The following ARB2A variants were observed in gnomAD, a reference collection of about 807,000 sequenced individuals.
The protein encoded by ARB2A is cotranscriptional regulator ARB2A.
chr5:93,619,963 T>C, the ARB2A span: 2 of 152,206 alleles, frequency 1.3e-5, no homozygotes, highest in South Asian at 4.1e-4. Flanking sequence ...AGGTTTCGTT[T>C]CCTGATGACA....
At chr5:93,658,956 G>T in the ARB2A span, among the ~76,000 whole-genome samples, 1 of 151,350 alleles carries the variant, frequency 6.6e-6, no homozygotes, top group Non-Finnish European at 1.5e-5. Context: ...GTTAGTACGT[G>T]GGGGTGGGGG....
chr5:93,775,238 A>C, the ARB2A span, among the ~76,000 whole-genome samples: 1 of 152,158 alleles, frequency 6.6e-6, no homozygotes, highest in Non-Finnish European at 1.5e-5. Context: ...ACTATTCTCC[A>C]AATTATTTTC....
At chr5:93,856,449 A>G in the ARB2A span, among the ~76,000 whole-genome samples, 1 of 152,146 alleles carries the variant, frequency 6.6e-6, no homozygotes, top group Non-Finnish European at 1.5e-5. Flanking sequence ...CTTTTCACAT[A>G]GTCCCATATT....
chr5:93,755,457 T>C, the ARB2A span, among the ~76,000 whole-genome samples: 1 of 152,202 alleles, frequency 6.6e-6, no homozygotes, highest in Non-Finnish European at 1.5e-5. Context: ...TTGTGAATTC[T>C]AGCTCTAGAT....
the ARB2A span, among the ~76,000 whole-genome samples, chr5:93,938,255 A>C: frequency 6.6e-6 from 1 of 152,230 alleles, no homozygotes; most frequent in African/African-American, 2.4e-5. Context: ...AATTCAAATA[A>C]GCAAACTGCC....
chr5:93,948,126 A>C, the ARB2A span, among the ~76,000 whole-genome samples: 45 of 152,214 alleles, frequency 3.0e-4, 1 homozygote, highest in South Asian at 3.1e-3. Context: ...TACAGTCCCA[A>C]CAACAGTGTA....
the ARB2A span, among the ~76,000 whole-genome samples, chr5:93,765,644 C>T: frequency 2.0e-5 from 3 of 152,104 alleles, no homozygotes; most frequent in African/African-American, 7.2e-5. Flanking sequence ...AGATTCAATG[C>T]CATCCCCATC....
chr5:93,783,639 G>C, the ARB2A span, among the ~76,000 whole-genome samples: 2 of 152,226 alleles, frequency 1.3e-5, no homozygotes, highest in South Asian at 4.1e-4. Context: ...CAATTACTAT[G>C]GCACGGGGTG....
chr5:93,686,357 A>G, the ARB2A span, among the ~76,000 whole-genome samples: 2 of 152,136 alleles, frequency 1.3e-5, no homozygotes, highest in Admixed American at 1.3e-4. Flanking sequence ...AGATTCCTTG[A>G]TCTACAATGC....
the ARB2A span, among the ~76,000 whole-genome samples, chr5:93,633,746 T>A: frequency 6.6e-6 from 1 of 152,162 alleles, no homozygotes; most frequent in Non-Finnish European, 1.5e-5. Flanking sequence ...ATTACTATAA[T>A]AAAGTTTTTG....
chr5:93,683,608 T>C, the ARB2A span: 4 of 1,499,116 alleles, frequency 2.7e-6, no homozygotes, highest in Non-Finnish European at 3.7e-6. Flanking sequence ...GCGCTCATTT[T>C]CATCATTATC....
chr5:93,822,462 A>T, the ARB2A span, among the ~76,000 whole-genome samples: 20 of 152,364 alleles, frequency 1.3e-4, no homozygotes, highest in Non-Finnish European at 2.2e-4. Context: ...TCTTAAAGTT[A>T]AAAAATGGGA....
chr5:93,683,546 T>G, the ARB2A span: 1 of 1,475,602 alleles, frequency 6.8e-7, no homozygotes, highest in Admixed American at 1.7e-5. Flanking sequence ...TTCAACAATG[T>G]GCAGTTCATC....
At chr5:94,055,059 G>A in the ARB2A span, among the ~76,000 whole-genome samples, 6 of 152,256 alleles carry the variant, frequency 3.9e-5, no homozygotes, top group East Asian at 1.2e-3. Context: ...CTGTCAACAA[G>A]CATTTAATAT....
chr5:94,001,066 TTTAAG>T, the ARB2A span, among the ~76,000 whole-genome samples: 2 of 152,120 alleles, frequency 1.3e-5, no homozygotes, highest in Non-Finnish European at 2.9e-5. Context: ...ATAGTAAGTC[TTTAAG>T]TTGAGTATTA....
chr5:93,870,022 G>C, the ARB2A span, among the ~76,000 whole-genome samples: 1 of 152,232 alleles, frequency 6.6e-6, no homozygotes, highest in African/African-American at 2.4e-5. Flanking sequence ...ACAGACATCT[G>C]GGCTCTTTCA....
the ARB2A span, among the ~76,000 whole-genome samples, chr5:93,880,272 A>G: frequency 6.6e-5 from 10 of 151,812 alleles, no homozygotes; most frequent in Admixed American, 6.6e-4. Flanking sequence ...ACCACTGCTT[A>G]ACTGTCATAG....
the ARB2A span, among the ~76,000 whole-genome samples, chr5:93,760,462 G>C: frequency 6.6e-6 from 1 of 152,106 alleles, no homozygotes; most frequent in South Asian, 2.1e-4. Context: ...TAAGCAAAAA[G>C]AACAAATGTG....
the ARB2A span, among the ~76,000 whole-genome samples, chr5:93,675,914 T>G: frequency 6.6e-6 from 1 of 152,206 alleles, no homozygotes; most frequent in East Asian, 1.9e-4. Flanking sequence ...TCATTGCCCA[T>G]CTGCAAGCCA....
Sources: gnomAD v4.1 joint callset for allele counts (sites outside exome capture counted in the v4.1 genomes callset) on GRCh38, gnomAD v4.1.1 for gene constraint, MANE v1.5 for transcripts, NCBI Gene and HGNC (gene_info 2026-07-23, HGNC 2026-07-21) for gene names.